The following CLEC18A variants were observed in gnomAD, a reference collection of about 807,000 sequenced individuals.
CLEC18A encodes the protein mannose receptor-like 1.
A neutral mutation model predicts 24.0 loss-of-function variants in CLEC18A; 5 were observed. That is an observed-to-expected ratio of 0.21 (90% confidence interval 0.11 to 0.44). The LOEUF (loss-of-function observed/expected upper bound fraction) is 0.44. Ranked by LOEUF, CLEC18A falls within the 20% of genes least tolerant of loss-of-function variation. CLEC18A has a pLI of 0.99. For synonymous variants in CLEC18A, 29 were observed against 100.1 expected (o/e 0.29, Z 4.24); for missense variants, 83 against 233.4 (o/e 0.36, Z 4.20).
downstream of CLEC18A, among the ~76,000 whole-genome samples, chr16:69,964,827 A>T (rs1959316369): frequency 6.6e-6 from 1 of 151,570 alleles, no homozygotes; most frequent in African/African-American, 2.4e-5. Context: ...TTTGAGACAG[A>T]GTCTCGCTTT....
upstream of CLEC18A, among the ~76,000 whole-genome samples, chr16:69,946,554 C>T (rs570897136): frequency 0.096 from 13,702 of 143,294 alleles, 1,562 homozygotes; most frequent in African/African-American, 0.34. Context: ...AGTTGCCCAC[C>T]ACCACGCCTG....
intron 3 of CLEC18A, among the ~76,000 whole-genome samples, 181 bp downstream of exon 3, chr16:69,954,754 G>A (rs2059011117): frequency 1.3e-5 from 2 of 151,982 alleles, no homozygotes; most frequent in South Asian, 4.2e-4. Context: ...CTAGAGTGCA[G>A]TGGCGTGATC....
chr16:69,966,475 CG>C, downstream of CLEC18A, among the ~76,000 whole-genome samples: 1 of 141,340 alleles, frequency 7.1e-6, no homozygotes, highest in East Asian at 2.1e-4. Context: ...GACCTCTGGT[CG>C]TCCTCACTGC....
At chr16:69,955,189 G>C (rs1184226302) in intron 3 of CLEC18A, among the ~76,000 whole-genome samples, 3 of 151,562 alleles carry the variant, frequency 2.0e-5, no homozygotes, top group African/African-American at 7.3e-5. Flanking sequence ...TTTTAGTAGA[G>C]ACAGGGTTTC....
At chr16:69,964,949 G>T (rs1219248490), downstream of CLEC18A, among the ~76,000 whole-genome samples, 2 of 151,998 alleles carry the variant, frequency 1.3e-5, no homozygotes, top group East Asian at 3.8e-4. Context: ...CCACAGGTCC[G>T]CACCACCACG....
intron 3 of CLEC18A, among the ~76,000 whole-genome samples, chr16:69,955,839 TG>T (rs2059026852): frequency 2.0e-5 from 3 of 151,752 alleles, no homozygotes; most frequent in Admixed American, 2.0e-4. Flanking sequence ...GAATATTTGT[TG>T]AGGGTCTTCT....
At chr16:69,952,154 CCAGGGGGG>C (rs2058960977) in intron 2 of CLEC18A, 28 bp downstream of exon 2, 2 of 519,064 alleles carry the variant, frequency 3.9e-6, no homozygotes, top group African/African-American at 2.4e-5. Flanking sequence ...CTGGGCTCTG[CCAGGGGGG>C]TGGCCGGAGG....
chr16:69,954,469 GTGTCCTTTGT>G lies in CLEC18A; in HGVS notation c.353_362del (p.Val118AlafsTer55). 6.2e-7 allele frequency: 1 copy of G among 1,604,074 alleles called. No individual in the cohort carries two copies. The highest frequency in any genetic ancestry group is 1.3e-5 in the African/African-American group (1 of 74,836). ...CATGCAGCTGCTACCCGCGGGCTTG[GTGTCCTTTGT>G]CGAAGTGGTCAGCCTATGGTTTGCA... On this transcript the variant is annotated frameshift_variant, in exon 3 of 12. Transcript: ENST00000288040. LOFTEE classifies it high-confidence loss of function.
the CLEC18A span, among the ~76,000 whole-genome samples, chr16:69,943,728 A>G: frequency 6.8e-6 from 1 of 147,468 alleles, no homozygotes; most frequent in Admixed American, 7.0e-5. Context: ...TGTGCATGAT[A>G]TGTGAGCTGA....
At chr16:69,965,538 T>G (rs1304196908), downstream of CLEC18A, among the ~76,000 whole-genome samples, 4 of 150,462 alleles carry the variant, frequency 2.7e-5, no homozygotes, top group Non-Finnish European at 3.0e-5. Flanking sequence ...AGCCGAGACC[T>G]TCCCACCCCG....
At chr16:69,964,688 A>C (rs1959307172), downstream of CLEC18A, among the ~76,000 whole-genome samples, 1 of 150,142 alleles carries the variant, frequency 6.7e-6, no homozygotes, top group East Asian at 2.0e-4. Flanking sequence ...TATTTTTAGT[A>C]GAGACGGGGT....
chr16:69,944,484 G>A, the CLEC18A span, among the ~76,000 whole-genome samples: 2 of 151,862 alleles, frequency 1.3e-5, no homozygotes, highest in Non-Finnish European at 2.9e-5. Context: ...CACTATGATT[G>A]CACCTATGAA....
chr16:69,948,584 G>C (rs1450808408), upstream of CLEC18A, among the ~76,000 whole-genome samples: 1 of 151,866 alleles, frequency 6.6e-6, no homozygotes, highest in East Asian at 1.9e-4. Context: ...AGCAAAATGT[G>C]AACCCTACAA....
intron 2 of CLEC18A, chr16:69,953,433 C>T (rs1240684778): frequency 6.6e-6 from 1 of 151,198 alleles, no homozygotes; most frequent in East Asian, 2.0e-4. Flanking sequence ...CTCCCTGCTC[C>T]GTTTACAGAT....
At chr16:69,945,361 C>G in the CLEC18A span, among the ~76,000 whole-genome samples, 2 of 151,956 alleles carry the variant, frequency 1.3e-5, no homozygotes, top group Non-Finnish European at 2.9e-5. Flanking sequence ...ATGTCTTGTC[C>G]TTTTTCCGTA....
intron 2 of CLEC18A, chr16:69,952,421 G>A: frequency 3.4e-6 from 1 of 290,534 alleles, no homozygotes; most frequent in Non-Finnish European, 6.2e-6. Context: ...GGAGCCACAG[G>A]AGGAGCCGGA....
chr16:69,962,763 T>G, intron 10 of CLEC18A: 1 of 1,108,014 alleles, frequency 9.0e-7, no homozygotes, highest in Non-Finnish European at 1.3e-6. Context: ...AGTGCTGCCA[T>G]GGGGTAGGCA....
At chr16:69,944,252 C>A in the CLEC18A span, among the ~76,000 whole-genome samples, 1 of 142,810 alleles carries the variant, frequency 7.0e-6, no homozygotes, top group Non-Finnish European at 1.6e-5. Context: ...GCCAAAACCG[C>A]ACCACTGCAC....
At chr16:69,954,239 C>T (rs1446239786) in intron 2 of CLEC18A, 95 bp from the exon 3 acceptor site, 29 of 1,504,306 alleles carry the variant, frequency 1.9e-5, no homozygotes, top group East Asian at 1.1e-4. Context: ...ACCTGGCACC[C>T]GGTGGATGCT....
Sources: allele counts gnomAD v4.1 joint callset (sites outside exome capture counted in the v4.1 genomes callset), GRCh38; gene constraint gnomAD v4.1.1; transcripts MANE v1.5; gene names NCBI Gene and HGNC (gene_info 2026-07-23, HGNC 2026-07-21).